NBL1: variants seen among roughly 807,000 people sequenced by gnomAD.
NBL1 encodes the protein neuroblastoma suppressor of tumorigenicity 1.
Under a neutral mutation model 16.0 loss-of-function variants are expected in NBL1, and 9 were observed. The ratio of observed to expected loss-of-function variants is 0.56; its 90% CI spans 0.34 to 0.98. The LOEUF (loss-of-function observed/expected upper bound fraction) is 0.98, where lower values mean the gene tolerates loss of function less well. Among genes scored for constraint, NBL1 ranks in the 50% least tolerant of loss-of-function variants. The pLI is 0.02. For missense variants in NBL1, 196 were observed against 243.1 expected (o/e 0.81, Z 1.29); for synonymous variants, 86 against 100.7 (o/e 0.85, Z 0.87).
intron 1 of NBL1, among the ~76,000 whole-genome samples, chr1:19,650,048 C>T (rs1245051823): frequency 6.6e-6 from 1 of 151,858 alleles, no homozygotes; most frequent in Non-Finnish European, 1.5e-5. Flanking sequence ...GATCTCGGCT[C>T]ACTGCAAGCT....
chr1:19,655,744 C>G (rs558081211), intron 3 of NBL1, among the ~76,000 whole-genome samples: 1 of 152,190 alleles, frequency 6.6e-6, no homozygotes, highest in Non-Finnish European at 1.5e-5. Flanking sequence ...TGCCCTGTCC[C>G]GAGAACCTGG....
chr1:19,645,258 C>T, intron 1 of NBL1: 2 of 646,520 alleles, frequency 3.1e-6, no homozygotes, highest in Non-Finnish European at 3.8e-6. Flanking sequence ...GGAGAGCCAG[C>T]CTTTCCGGGG....
At chr1:19,645,460 C>T (rs1367631294) in intron 1 of NBL1, 2 of 991,986 alleles carry the variant, frequency 2.0e-6, no homozygotes, top group Non-Finnish European at 2.4e-6. Flanking sequence ...CACTTCCAGG[C>T]TTTCGGAGGC....
chr1:19,644,149 G>A, upstream of NBL1: 1 of 979,656 alleles, frequency 1.0e-6, no homozygotes, highest in Non-Finnish European at 1.2e-6. This position sits in a 1 kb window ranked among gnomAD's most constrained non-coding sequence, Gnocchi z 4.6. Context: ...GGCCCCTGCC[G>A]CCGCGGCGCC....
intron 1 of NBL1, among the ~76,000 whole-genome samples, chr1:19,647,166 A>G (rs2094985837): frequency 6.6e-6 from 1 of 152,178 alleles, no homozygotes; most frequent in African/African-American, 2.4e-5. Flanking sequence ...GAGGTACAGA[A>G]AGGTTAGAAT....
upstream of NBL1, chr1:19,643,845 G>A: frequency 1.0e-6 from 1 of 991,532 alleles, no homozygotes; most frequent in Non-Finnish European, 1.2e-6. This position sits in a 1 kb window ranked among gnomAD's most constrained non-coding sequence, Gnocchi z 4.7. Context: ...GGACGCGGCG[G>A]GCTGGGGCGC....
At position 19,644,353 on chromosome 1, in the gene NBL1, G is replaced by A; in HGVS notation, c.-113G>A. 1 of 977,790 alleles carries A rather than the reference G, an allele frequency of 1.0e-6. No homozygotes were observed. The highest frequency in any genetic ancestry group is 1.2e-6 in the Non-Finnish European group (1 of 826,336). The allele number at this position is 977,790 out of a possible 1,614,324, so 60.6% of individuals were successfully genotyped here. A position where few individuals can be genotyped will look rare whatever the true frequency, so the allele number is the denominator to read the frequency against. The stretch of plus-strand genomic sequence containing the variant: ...CAGCCCAGCCGAGCGTCGCGGGGCC[G>A]CCCCCCGCCCTGCCGGCCGCCTCGC... On this transcript the variant is annotated 5_prime_UTR_variant, in exon 1 of 4. Coordinates refer to ENST00000375136, the MANE Select transcript of NBL1 (RefSeq NM_005380.8). The surrounding 1 kb of genome is among the most constrained non-coding windows in gnomAD (Gnocchi z 4.6).
chr1:19,650,666 C>T (rs959026691), intron 1 of NBL1, among the ~76,000 whole-genome samples: 5 of 151,826 alleles, frequency 3.3e-5, no homozygotes, highest in African/African-American at 1.2e-4. Flanking sequence ...GTGTGACCTT[C>T]AGGGCGGGAG....
rs1329075228 is a variant in NBL1, at chr1:19,644,317, A to G, written c.-149A>G. ...CGCGCGCCCGCCCGGGGCCGCAGAC[A>G]GCGCGCAGCGCAGCCCAGCCGAGCG... On this transcript the variant is annotated 5_prime_UTR_variant, in exon 1 of 4. Transcript: ENST00000375136. The surrounding 1 kb of genome is among the most constrained non-coding windows in gnomAD (Gnocchi z 4.6). 165 of 978,240 alleles carry G rather than the reference A, an allele frequency of 1.7e-4. 1 individual carries two copies. The South Asian group carries it at 7.0e-3, about 41-fold the overall frequency. 60.6% of individuals were successfully genotyped at this position (978,240 alleles called of 1,614,324 possible).
At chr1:19,652,136 T>C (rs1440251688) in intron 1 of NBL1, among the ~76,000 whole-genome samples, 1 of 152,096 alleles carries the variant, frequency 6.6e-6, no homozygotes, top group Non-Finnish European at 1.5e-5. Context: ...CTGTTGTTCC[T>C]GAGGAAGCAA....
At chr1:19,645,364 T>C in intron 1 of NBL1, 1 of 986,182 alleles carries the variant, frequency 1.0e-6, no homozygotes, top group Non-Finnish European at 1.2e-6. Flanking sequence ...GGCGGGGCGA[T>C]TCTGATCGTT....
At chr1:19,645,908 C>T in intron 1 of NBL1, 1 of 1,548,914 alleles carries the variant, frequency 6.5e-7, no homozygotes, top group South Asian at 1.2e-5. Flanking sequence ...CCGGAGCGGG[C>T]AGGGTTGTTG....
intron 3 of NBL1, among the ~76,000 whole-genome samples, chr1:19,656,073 C>T (rs775640095): frequency 1.3e-5 from 2 of 152,170 alleles, no homozygotes; most frequent in African/African-American, 4.8e-5. Context: ...ACCTTTCACA[C>T]CTGCAGTCTT....
intron 1 of NBL1, among the ~76,000 whole-genome samples, chr1:19,652,461 C>CGGG (rs3838430): frequency 5.3e-5 from 8 of 151,822 alleles, no homozygotes; most frequent in Admixed American, 2.6e-4. Context: ...TGGGAGGCGG[C>CGGG]GGGGGGGCAG....
intron 1 of NBL1, chr1:19,645,706 C>A: frequency 7.8e-7 from 1 of 1,279,738 alleles, no homozygotes; most frequent in Non-Finnish European, 9.9e-7. Flanking sequence ...TGCAGCGTTT[C>A]CTCGGTGACC....
At position 19,655,183 on chromosome 1, in the gene NBL1, C is replaced by G; in HGVS notation, c.153C>G (p.Ala51=). 1 of 1,605,806 alleles carries G rather than the reference C, an allele frequency of 6.2e-7. No homozygotes were observed. The change falls in exon 2 of 4, where the codon GCC becomes GCG. Residue 51 remains alanine, a synonymous_variant. Coordinates refer to ENST00000375136, the MANE Select transcript of NBL1 (RefSeq NM_005380.8). The stretch of plus-strand genomic sequence containing the variant: ...TCGTGGGCCACAGCGGCTGTGAGGC[C>G]AAGTCCATCCAGAACAGGTGGGACC... ...TQIVGHSGCE[A]KSIQNRACLG... is the part of the protein sequence containing the mutation.
chr1:19,653,935 T>C (rs896241376), intron 1 of NBL1, among the ~76,000 whole-genome samples: 24 of 152,194 alleles, frequency 1.6e-4, no homozygotes, highest in Admixed American at 1.6e-3. Context: ...AATTTGCAAA[T>C]GGCCAAGTGC....
chr1:19,645,959 C>T (rs866609937), intron 1 of NBL1: 1 of 1,550,486 alleles, frequency 6.4e-7, no homozygotes, highest in Non-Finnish European at 8.7e-7. Flanking sequence ...AGATGTGCAG[C>T]CTGGCCCTGC....
At chr1:19,651,681 CTT>C (rs1454765663) in intron 1 of NBL1, among the ~76,000 whole-genome samples, 2 of 151,550 alleles carry the variant, frequency 1.3e-5, no homozygotes, top group East Asian at 3.9e-4. Flanking sequence ...CTCCCTCCCT[CTT>C]TTCTTTCCTG....
Sources: allele counts gnomAD v4.1 joint callset (sites outside exome capture counted in the v4.1 genomes callset), GRCh38; gene constraint gnomAD v4.1.1; non-coding constraint Gnocchi (gnomAD v3.1); transcripts MANE v1.5; gene names NCBI Gene and HGNC (gene_info 2026-07-23, HGNC 2026-07-21).